Variants in ACAA2 observed in about 807,000 individuals in gnomAD.
The protein encoded by ACAA2 is 3-ketoacyl-CoA thiolase, mitochondrial.
Under a neutral mutation model 44.8 loss-of-function variants are expected in ACAA2, and 35 were observed. That is an observed-to-expected ratio of 0.78 (90% CI 0.60 to 1.04). ACAA2 has a LOEUF of 1.04. Among genes scored for constraint, ACAA2 ranks in the 50% least tolerant of loss-of-function variants. The probability of loss-of-function intolerance (pLI) is 0.00; values close to 1 mark genes in which losing one functional copy is unlikely to be tolerated. For missense variants in ACAA2, 468 were observed against 482.6 expected (o/e 0.97, Z 0.28); for synonymous variants, 142 against 166.5 (o/e 0.85, Z 1.13).
intron 2 of ACAA2, among the ~76,000 whole-genome samples, chr18:49,798,066 G>C (rs1484950443): frequency 1.3e-5 from 2 of 152,184 alleles, no homozygotes; most frequent in African/African-American, 2.4e-5. Flanking sequence ...GGAAGTATCG[G>C]AGGCTGTGGT....
At chr18:49,789,347 C>T (rs756601185) in intron 7 of ACAA2, among the ~76,000 whole-genome samples, 20 of 152,118 alleles carry the variant, frequency 1.3e-4, no homozygotes, top group Non-Finnish European at 2.6e-4. Context: ...GATGCTTCAA[C>T]GAGTTACTTT....
chr18:49,790,675 A>G (rs1262657873), intron 7 of ACAA2, among the ~76,000 whole-genome samples: 1 of 152,194 alleles, frequency 6.6e-6, no homozygotes, highest in Non-Finnish European at 1.5e-5. Flanking sequence ...AACTATTAAA[A>G]TTCAGCATCG....
intron 1 of ACAA2, among the ~76,000 whole-genome samples, chr18:49,807,513 A>T: frequency 6.6e-6 from 1 of 152,236 alleles, no homozygotes; most frequent in East Asian, 1.9e-4. Flanking sequence ...CATGAAGGGA[A>T]AACTTAGGTT....
At position 49,783,660 on chromosome 18, in the gene ACAA2, A is replaced by T; in HGVS notation, c.*187T>A. 1 of 545,504 alleles carries T rather than the reference A, an allele frequency of 1.8e-6. No individual in the cohort carries two copies. The highest frequency in any genetic ancestry group is 3.1e-5 in the Admixed American group (1 of 31,958). The allele number at this position is 545,504 out of a possible 1,614,324, so 33.8% of individuals were successfully genotyped here. A position where few individuals can be genotyped will look rare whatever the true frequency, so the allele number is the denominator to read the frequency against. On this transcript the variant is annotated 3_prime_UTR_variant, in exon 10 of 10. Transcript: ENST00000285093. ...ATTTCACTGGTTCAAATCTGAGAGA[A>T]TGTACTTCTAGCATGGGCTCCTATT... is the stretch of plus-strand genomic sequence containing the variant.
chr18:49,798,238 G>T (rs2023487400), intron 2 of ACAA2, among the ~76,000 whole-genome samples: 2 of 152,180 alleles, frequency 1.3e-5, no homozygotes, highest in Admixed American at 6.5e-5. Context: ...TGTAAAACAG[G>T]CTGAGGACTG....
intron 2 of ACAA2, among the ~76,000 whole-genome samples, chr18:49,799,075 G>T (rs2023497737): frequency 6.6e-6 from 1 of 152,088 alleles, no homozygotes; most frequent in Non-Finnish European, 1.5e-5. Flanking sequence ...ATCCAATGTG[G>T]ATTTCAACAC....
chr18:49,790,756 A>C (rs1278471819), intron 7 of ACAA2, among the ~76,000 whole-genome samples: 2 of 152,222 alleles, frequency 1.3e-5, no homozygotes, highest in Admixed American at 6.5e-5. Flanking sequence ...TTTTAAGCCA[A>C]GACTATACAT....
At chr18:49,806,098 T>G (rs889466547) in intron 1 of ACAA2, among the ~76,000 whole-genome samples, 1 of 151,602 alleles carries the variant, frequency 6.6e-6, no homozygotes, top group Non-Finnish European at 1.5e-5. Flanking sequence ...AGGAGAAGAG[T>G]TGATACTTAG....
At chr18:49,801,857 T>G (rs2023554022) in intron 2 of ACAA2, among the ~76,000 whole-genome samples, 1 of 148,644 alleles carries the variant, frequency 6.7e-6, no homozygotes, top group African/African-American at 2.5e-5. Flanking sequence ...TTGGTCCACC[T>G]TGGGTGCCAT....
chr18:49,794,241 T>C (rs760988085), intron 5 of ACAA2, 39 bp downstream of exon 5: 1 of 1,428,044 alleles, frequency 7.0e-7, no homozygotes, highest in Non-Finnish European at 9.3e-7. Flanking sequence ...CCTATAGATA[T>C]TTATTCTATA....
Position 49,797,459 on chromosome 18 carries a change from TCC to T in ACAA2, c.312+5_312+6del. 6.2e-7 allele frequency: 1 copy of T among 1,602,576 alleles called. No homozygotes were observed. The highest frequency in any genetic ancestry group is 8.5e-7 in the Non-Finnish European group (1 of 1,177,080). On this transcript the variant is annotated splice_donor_5th_base_variant and intron_variant, in intron 3 of 9. Transcript: ENST00000285093. ...TTTCAGAGAATTTAAAAAAATGTTG[TCC>T]ATACCTGACATCCATTCACAATGGA...
At chr18:49,802,930 G>T in intron 1 of ACAA2, 77 bp from the exon 2 acceptor site, 1 of 1,488,498 alleles carries the variant, frequency 6.7e-7, no homozygotes, top group Non-Finnish European at 9.4e-7. Context: ...ATCTCACTGT[G>T]AAACCTTACA....
At chr18:49,797,429 CAT>C in intron 3 of ACAA2, 35 bp downstream of exon 3, 1 of 1,578,088 alleles carries the variant, frequency 6.3e-7, no homozygotes, top group Non-Finnish European at 8.6e-7. Context: ...TAACTATTAA[CAT>C]ATTTTCAGAG....
chr18:49,782,528 A>G lies in ACAA2; in HGVS notation c.*1319T>C, dbSNP rs1439736907. On this transcript the variant is annotated 3_prime_UTR_variant, in exon 10 of 10. Coordinates refer to ENST00000285093, the MANE Select transcript of ACAA2 (RefSeq NM_006111.3). ...GTGCCACTGCAATTCTGCCTGGGTGACAGAGCAAGATGCTATCTCAAAAAA... is the reference window on the plus strand; with the variant it reads ...GTGCCACTGCAATTCTGCCTGGGTGGCAGAGCAAGATGCTATCTCAAAAAA... 2.0e-5 allele frequency: 3 copies of G among 147,702 alleles called. No individual in the cohort carries two copies. Among genetic ancestry groups the G allele is most frequent in the Non-Finnish European group, 4.5e-5 (3 of 67,366 alleles). 9.1% of individuals were successfully genotyped at this position (147,702 alleles called of 1,614,324 possible).
chr18:49,797,615 A>G, intron 2 of ACAA2, 21 bp from the exon 3 acceptor site: 6 of 1,567,424 alleles, frequency 3.8e-6, no homozygotes, highest in East Asian at 2.2e-5. Context: ...GAAGGAAAAG[A>G]AAAATAATTT....
chr18:49,810,497 A>T (rs539813402), intron 1 of ACAA2, among the ~76,000 whole-genome samples: 3 of 152,296 alleles, frequency 2.0e-5, no homozygotes, highest in African/African-American at 7.2e-5. Flanking sequence ...GTAGTGAAAT[A>T]TGCAATATCT....
At position 49,797,453 on chromosome 18, in the gene ACAA2, A is replaced by G; in HGVS notation, c.312+13T>C. Reference sequence around the variant, plus strand: ...ACATATTTTCAGAGAATTTAAAAAAATGTTGTCCATACCTGACATCCATTC... The same window carrying G: ...ACATATTTTCAGAGAATTTAAAAAAGTGTTGTCCATACCTGACATCCATTC... On this transcript the variant is annotated intron_variant, in intron 3 of 9. Transcript: ENST00000285093. The G allele has an allele frequency of 6.3e-7, 1 of 1,591,466 alleles. No homozygotes were observed.
chr18:49,805,630 C>T (rs571076626), intron 1 of ACAA2, among the ~76,000 whole-genome samples: 18 of 152,124 alleles, frequency 1.2e-4, no homozygotes, highest in African/African-American at 4.3e-4. Context: ...GATGTGATCA[C>T]AGCTCCCTGC....
chr18:49,789,845 G>A (rs190540719), intron 7 of ACAA2, among the ~76,000 whole-genome samples: 42 of 152,224 alleles, frequency 2.8e-4, no homozygotes, highest in African/African-American at 9.1e-4. Context: ...TTAGCCAGGC[G>A]TGGGGGCGGG....
Sources: gnomAD v4.1 joint callset for allele counts (sites outside exome capture counted in the v4.1 genomes callset) on GRCh38, gnomAD v4.1.1 for gene constraint, MANE v1.5 for transcripts, NCBI Gene and HGNC (gene_info 2026-07-23, HGNC 2026-07-21) for gene names.